ETV7: variants seen among roughly 807,000 people sequenced by gnomAD.
ETV7 encodes the protein transcription factor ETV7.
ETV7 carries 43 observed loss-of-function variants against 39.1 expected under a neutral mutation model. That is an observed-to-expected ratio of 1.10 (90% CI 0.86 to 1.42). The LOEUF (loss-of-function observed/expected upper bound fraction) is 1.42. ETV7 is among the 40% of genes most tolerant of loss of function. The pLI, the probability that ETV7 is intolerant of heterozygous loss-of-function variation, is 0.00. For synonymous variants in ETV7, 196 were observed against 176.6 expected (o/e 1.11, Z -0.87); for missense variants, 432 against 442.3 (o/e 0.98, Z 0.21).
chr6:36,366,310 G>A lies in ETV7; in HGVS notation c.*335C>T, dbSNP rs1393239775. On this transcript the variant is annotated 3_prime_UTR_variant, in exon 8 of 8. Coordinates refer to ENST00000340181, the MANE Select transcript of ETV7 (RefSeq NM_016135.4). Reference sequence around the variant, plus strand: ...CAGGTGAGGAAATCTGAGGCTCAGTGAGGGACTTCATTCCCTTCATCTGGT... The same window carrying A: ...CAGGTGAGGAAATCTGAGGCTCAGTAAGGGACTTCATTCCCTTCATCTGGT... 1.8e-6 allele frequency: 2 copies of A among 1,115,978 alleles called. No individual in the cohort carries two copies. Among genetic ancestry groups the A allele is most frequent in the Non-Finnish European group, 2.2e-6 (2 of 910,896 alleles). The allele number at this position is 1,115,978 out of a possible 1,614,324, so 69.1% of individuals were successfully genotyped here.
At chr6:36,359,323 C>T (rs12211236) in intron 7 of ETV7, among the ~76,000 whole-genome samples, 8,932 of 152,018 alleles carry the variant, frequency 0.059, 338 homozygotes, top group Non-Finnish European at 0.088. Context: ...TGGTGGTGCA[C>T]GCCTGTGATC....
downstream of ETV7, chr6:36,366,120 G>T (rs746162518): frequency 3.8e-5 from 34 of 901,162 alleles, no homozygotes; most frequent in Non-Finnish European, 4.4e-5. Flanking sequence ...GTTGCAGTGA[G>T]CCGAGATCGT....
downstream of ETV7, among the ~76,000 whole-genome samples, chr6:36,363,245 C>T (rs1164158786): frequency 2.6e-5 from 4 of 152,288 alleles, 1 homozygote; most frequent in African/African-American, 2.4e-5. Flanking sequence ...TTTGTTCTTT[C>T]TGATGTTCCG....
At position 36,368,990 on chromosome 6, in the gene ETV7, T is replaced by G. The variant is rs912561867; in HGVS notation, c.746A>C (p.Asp249Ala). Residue 249 changes from aspartate to alanine, a missense_variant, in exon 6 of 8, where the codon GAC (aspartate) becomes GCC (alanine). Transcript: ENST00000340181. Reference sequence around the variant, plus strand: ...ATCCACAACTCGGAAGATCTTGGCGTCCTTGTCTTCCCACTTGATGTAGGG... The same window carrying G: ...ATCCACAACTCGGAAGATCTTGGCGGCCTTGTCTTCCCACTTGATGTAGGG... ...YEPYIKWEDK[D>A]AKIFRVVDPN... 1 of 1,614,132 alleles carries G rather than the reference T, an allele frequency of 6.2e-7. No individual in the cohort carries two copies. The highest frequency in any genetic ancestry group is 8.5e-7 in the Non-Finnish European group (1 of 1,180,028).
downstream of ETV7, chr6:36,366,177 A>G (rs1772705776): frequency 5.0e-6 from 5 of 1,000,468 alleles, no homozygotes; most frequent in Non-Finnish European, 6.0e-6. Flanking sequence ...GTCTCAAAAA[A>G]ATAAAAGAAA....
chr6:36,382,828 T>C (rs881648), intron 2 of ETV7, among the ~76,000 whole-genome samples: 131,329 of 152,194 alleles, frequency 0.86, 56,816 homozygotes, highest in East Asian at 0.96. Context: ...CTCATTTCCT[T>C]TGCATCCAAA....
chr6:36,375,255 A>G (rs1773260300), intron 3 of ETV7, among the ~76,000 whole-genome samples: 1 of 152,110 alleles, frequency 6.6e-6, no homozygotes, highest in South Asian at 2.1e-4. Flanking sequence ...AATCAGCACA[A>G]ACAAAAGAGC....
downstream of ETV7, among the ~76,000 whole-genome samples, chr6:36,361,980 C>T (rs1441815363): frequency 6.6e-6 from 1 of 151,974 alleles, no homozygotes; most frequent in Non-Finnish European, 1.5e-5. Flanking sequence ...CACAGTGAAA[C>T]CCTGTCTCTA....
At chr6:36,364,888 C>T (rs1458753525), downstream of ETV7, among the ~76,000 whole-genome samples, 1 of 152,224 alleles carries the variant, frequency 6.6e-6, no homozygotes, top group Non-Finnish European at 1.5e-5. Context: ...AAAGCATTTT[C>T]CCATCGATCC....
intron 5 of ETV7, among the ~76,000 whole-genome samples, chr6:36,370,262 C>A (rs931643540): frequency 6.6e-6 from 1 of 152,100 alleles, no homozygotes; most frequent in African/African-American, 2.4e-5. Context: ...CAGGCCGGCA[C>A]GGTGGTTCAC....
intron 5 of ETV7, among the ~76,000 whole-genome samples, chr6:36,370,479 G>C (rs2127389454): frequency 6.6e-6 from 1 of 152,228 alleles, no homozygotes; most frequent in African/African-American, 2.4e-5. Context: ...AGGATGCAGT[G>C]AGTTGAGATC....
intron 7 of ETV7, among the ~76,000 whole-genome samples, chr6:36,357,521 G>C (rs1359112521): frequency 6.6e-6 from 1 of 152,122 alleles, no homozygotes; most frequent in Non-Finnish European, 1.5e-5. Context: ...AATATAGGTG[G>C]AATATCACAA....
chr6:36,372,758 A>G (rs1773097163), intron 4 of ETV7, among the ~76,000 whole-genome samples: 3 of 138,886 alleles, frequency 2.2e-5, no homozygotes, highest in Admixed American at 7.5e-5. Flanking sequence ...GGGTGTTGAG[A>G]GGCCTACTAG....
intron 3 of ETV7, 181 bp downstream of exon 3, chr6:36,375,690 C>G: frequency 1.1e-6 from 1 of 938,126 alleles, no homozygotes; most frequent in Non-Finnish European, 1.6e-6. Flanking sequence ...TGCTGAAGGC[C>G]TGCTCTAGCT....
intron 1 of ETV7, among the ~76,000 whole-genome samples, chr6:36,387,094 C>T (rs572787323): frequency 6.6e-6 from 1 of 152,038 alleles, no homozygotes; most frequent in South Asian, 2.1e-4. Flanking sequence ...TGGAGTGGGA[C>T]GGGGCGCCAG....
At chr6:36,364,689 G>A (rs1361517933), downstream of ETV7, among the ~76,000 whole-genome samples, 5 of 152,336 alleles carry the variant, frequency 3.3e-5, no homozygotes, top group Non-Finnish European at 7.4e-5. Flanking sequence ...ACAGTGCAGC[G>A]GTGGGATGAA....
chr6:36,375,714 T>C (rs564572629), intron 3 of ETV7, 157 bp downstream of exon 3: 9 of 1,195,540 alleles, frequency 7.5e-6, no homozygotes, highest in African/African-American at 3.0e-5. Context: ...AACCACCAGA[T>C]ACACACGTAT....
In ETV7 at chr6:36,385,650, G is replaced by C. The variant is rs773058641; in HGVS notation, c.26C>G (p.Ser9Cys). 9.3e-6 allele frequency: 15 copies of C among 1,612,864 alleles called. 1 individual carries two copies. Among genetic ancestry groups the C allele is most frequent in the South Asian group, 5.5e-5 (5 of 90,928 alleles). The stretch of plus-strand genomic sequence containing the variant: ...CATGGCTGCCACAGGGCTTATAGGA[G>C]AAATAGCCAATTCTCCCTCCTAGAG... Reference protein sequence around the residue: MQEGELAISPISPVAAMPP... With the variant: MQEGELAICPISPVAAMPP... Residue 9 changes from serine to cysteine, a missense_variant, in exon 2 of 8, where the codon TCT becomes TGT. Ser to Cys is a moderately radical substitution (Grantham distance 112). Transcript: ENST00000340181.
Position 36,371,493 on chromosome 6 carries a change from A to T in ETV7, c.501T>A (p.Leu167=). 6.2e-7 allele frequency: 1 copy of T among 1,606,128 alleles called. No individual in the cohort carries two copies. Among genetic ancestry groups the T allele is most frequent in the Non-Finnish European group, 8.5e-7 (1 of 1,176,422 alleles). The change falls in exon 5 of 8, where the codon CTT becomes CTA. Residue 167 remains leucine, a synonymous_variant. Coordinates refer to ENST00000340181, the MANE Select transcript of ETV7 (RefSeq NM_016135.4). The part of the protein sequence containing the change: ...GHLLQPPDPG[L]TSNFGHLDDP... The stretch of plus-strand genomic sequence containing the variant: ...CATCCAGGTGGCCGAAGTTGCTGGT[A>T]AGCCCTGGGTCTGGTGGCTGCAGCA...
Sources: allele counts gnomAD v4.1 joint callset (sites outside exome capture counted in the v4.1 genomes callset), GRCh38; gene constraint gnomAD v4.1.1; transcripts MANE v1.5; gene names NCBI Gene and HGNC (gene_info 2026-07-23, HGNC 2026-07-21).